Variants in PARP8 observed in about 807,000 individuals in gnomAD.
PARP8 encodes the protein protein mono-ADP-ribosyltransferase PARP8.
A neutral mutation model predicts 124.1 loss-of-function variants in PARP8; 51 were observed. That is an observed-to-expected ratio of 0.41 (90% CI 0.33 to 0.52). The LOEUF (loss-of-function observed/expected upper bound fraction) is 0.52, where lower values mean the gene tolerates loss of function less well. PARP8 is among the 20% of genes least tolerant of loss of function. The pLI is 0.21. For missense variants in PARP8, 860 were observed against 1,018.9 expected (o/e 0.84, Z 2.12); for synonymous variants, 391 against 361.5 (o/e 1.08, Z -0.93).
intron 17 of PARP8, 125 bp downstream of exon 17, chr5:50,822,525 T>G: frequency 1.4e-6 from 1 of 699,282 alleles, no homozygotes; most frequent in Admixed American, 2.6e-5. Context: ...TTAAGATGTT[T>G]TAATTAAATC....
chr5:50,694,072 CT>C (rs1477441461), intron 2 of PARP8, among the ~76,000 whole-genome samples: 3 of 152,104 alleles, frequency 2.0e-5, no homozygotes, highest in African/African-American at 7.2e-5. Flanking sequence ...CTGTACCATT[CT>C]TTATGTTTTA....
At chr5:50,705,458 GA>G (rs1466954212) in intron 2 of PARP8, among the ~76,000 whole-genome samples, 6 of 152,060 alleles carry the variant, frequency 3.9e-5, no homozygotes, top group Non-Finnish European at 7.4e-5. Flanking sequence ...ATGATATGGA[GA>G]AAACCGGAGA....
chr5:50,839,389 A>AATC (rs1747924744), intron 25 of PARP8, among the ~76,000 whole-genome samples: 1 of 151,988 alleles, frequency 6.6e-6, no homozygotes, highest in Non-Finnish European at 1.5e-5. Context: ...TTTACTCTTA[A>AATC]ATCATAAATA....
In PARP8 at chr5:50,831,068, T is replaced by C. The variant is rs542750025; in HGVS notation, c.2233+1107T>C. The stretch of plus-strand genomic sequence containing the variant: ...GAAACTTGGAACGCTTAAAACCAGA[T>C]TTATAATTAGAAATACTAAAAGAAA... On this transcript the variant is annotated intron_variant, in intron 22 of 25. Coordinates refer to ENST00000281631, the MANE Select transcript of PARP8 (RefSeq NM_024615.4). Among the ~76,000 whole-genome samples, 248 of 152,138 alleles carry C rather than the reference T, an allele frequency of 1.6e-3. 1 individual carries two copies. Among genetic ancestry groups the C allele is most frequent in the African/African-American group, 5.6e-3 (234 of 41,510 alleles).
At chr5:50,682,727 GTATCCTT>G (rs572652846) in intron 2 of PARP8, among the ~76,000 whole-genome samples, 295 of 152,168 alleles carry the variant, frequency 1.9e-3, no homozygotes, top group African/African-American at 6.8e-3. Context: ...TTCATAAGTA[GTATCCTT>G]ATGAGTACTG....
At chr5:50,776,255 A>G (rs1740001115) in intron 7 of PARP8, among the ~76,000 whole-genome samples, 1 of 152,180 alleles carries the variant, frequency 6.6e-6, no homozygotes, top group Non-Finnish European at 1.5e-5. Context: ...ATCATGGTGT[A>G]TGATTTTTTT....
intron 7 of PARP8, among the ~76,000 whole-genome samples, chr5:50,773,554 A>G (rs566825766): frequency 1.3e-4 from 20 of 152,260 alleles, no homozygotes; most frequent in African/African-American, 4.6e-4. Context: ...TGCTGGTCCC[A>G]TGCTGTTTTG....
chr5:50,709,943 T>TAC (rs1391571532), intron 2 of PARP8, among the ~76,000 whole-genome samples: 1 of 98,240 alleles, frequency 1.0e-5, no homozygotes, highest in Non-Finnish European at 2.4e-5. Context: ...TATATATATA[T>TAC]ATATATATAT....
intron 2 of PARP8, among the ~76,000 whole-genome samples, chr5:50,725,217 A>C (rs1487569078): frequency 6.6e-6 from 1 of 151,880 alleles, no homozygotes; most frequent in African/African-American, 2.4e-5. Flanking sequence ...GATTGGTTGC[A>C]CAATATATTA....
chr5:50,675,662 T>A (rs961531608), intron 2 of PARP8, among the ~76,000 whole-genome samples: 1 of 152,252 alleles, frequency 6.6e-6, no homozygotes, highest in Non-Finnish European at 1.5e-5. Flanking sequence ...CCAAGAATTG[T>A]TGATAGAATA....
intron 2 of PARP8, among the ~76,000 whole-genome samples, chr5:50,726,044 T>C (rs181346496): frequency 1.2e-4 from 18 of 152,276 alleles, no homozygotes; most frequent in African/African-American, 3.6e-4. Context: ...AGCTGACAAC[T>C]TGATTGCTTT....
intron 3 of PARP8, among the ~76,000 whole-genome samples, chr5:50,751,243 G>A (rs1759227509): frequency 6.6e-6 from 1 of 152,040 alleles, no homozygotes; most frequent in Admixed American, 6.6e-5. Flanking sequence ...CCCTCTTGTG[G>A]CCAAGAGGTA....
intron 14 of PARP8, among the ~76,000 whole-genome samples, chr5:50,807,777 T>C (rs1201662315): frequency 6.6e-6 from 1 of 152,036 alleles, no homozygotes; most frequent in Non-Finnish European, 1.5e-5. Context: ...GTTCTATGTG[T>C]CCTTGACTAA....
At chr5:50,668,441 T>A in intron 2 of PARP8, 1 of 312,536 alleles carries the variant, frequency 3.2e-6, no homozygotes, top group Non-Finnish European at 6.1e-6. Context: ...AAAACTGGAA[T>A]ACTGGATATG....
At chr5:50,801,468 C>T (rs1743223553) in intron 14 of PARP8, among the ~76,000 whole-genome samples, 7 of 152,094 alleles carry the variant, frequency 4.6e-5, no homozygotes, top group Admixed American at 2.0e-4. Flanking sequence ...TCCGTTTTGT[C>T]TCAGATGTCA....
At chr5:50,742,443 A>G (rs1758146061) in intron 2 of PARP8, among the ~76,000 whole-genome samples, 1 of 152,206 alleles carries the variant, frequency 6.6e-6, no homozygotes, top group African/African-American at 2.4e-5. Flanking sequence ...ACAAGGACAG[A>G]TAATTCCTTC....
intron 2 of PARP8, among the ~76,000 whole-genome samples, chr5:50,733,130 A>C (rs1331302215): frequency 6.6e-6 from 1 of 151,592 alleles, no homozygotes; most frequent in Non-Finnish European, 1.5e-5. Context: ...GGTGAAACCC[A>C]GTCTTTACTA....
At chr5:50,839,262 T>G (rs1345594650) in intron 25 of PARP8, among the ~76,000 whole-genome samples, 5 of 152,042 alleles carry the variant, frequency 3.3e-5, no homozygotes, top group African/African-American at 1.2e-4. Context: ...CTTGTCTCCT[T>G]TTAGACGTTT....
chr5:50,768,374 A>G (rs1761259662), intron 7 of PARP8, among the ~76,000 whole-genome samples: 1 of 152,224 alleles, frequency 6.6e-6, no homozygotes, highest in African/African-American at 2.4e-5. Context: ...AGTCACATTT[A>G]AATATCCAAA....
Sources: allele counts gnomAD v4.1 joint callset (sites outside exome capture counted in the v4.1 genomes callset), GRCh38; gene constraint gnomAD v4.1.1; transcripts MANE v1.5; gene names NCBI Gene and HGNC (gene_info 2026-07-23, HGNC 2026-07-21).